The following CPLANE1 variants were observed in gnomAD, a reference collection of about 807,000 sequenced individuals.
CPLANE1 encodes ciliogenesis and planar polarity effector complex subunit 1, also known as ciliogenesis and planar polarity effector 1.
In CPLANE1, 263 loss-of-function variants were observed where a neutral mutation model predicts 362.5. The observed-to-expected ratio is 0.73, with a 90% CI of 0.66 to 0.80. The LOEUF (loss-of-function observed/expected upper bound fraction) is 0.80, where lower values mean the gene tolerates loss of function less well. CPLANE1 is among the 30% of genes least tolerant of loss of function. The probability of loss-of-function intolerance (pLI) is 0.00; values close to 1 mark genes in which losing one functional copy is unlikely to be tolerated. For missense variants in CPLANE1, 3,461 were observed against 3,793.4 expected, an observed-to-expected ratio of 0.91 and a Z score of 2.30; for synonymous variants, 1,212 against 1,302.6, an observed-to-expected ratio of 0.93 and a Z score of 1.50.
In CPLANE1 at chr5:37,158,298, G is replaced by T; in HGVS notation, c.7738C>A (p.Leu2580Ile). 7 of 1,613,882 alleles carry T rather than the reference G, an allele frequency of 4.3e-6. No individual in the cohort carries two copies. Among genetic ancestry groups the T allele is most frequent in the South Asian group, 3.3e-5 (3 of 91,066 alleles). Reference protein sequence around the residue: ...APQLLVPDVYLNLKLSSEMSE... With the variant: ...APQLLVPDVYINLKLSSEMSE... Reference sequence around the variant, plus strand: ...ATTTCACTGGAAAGCTTCAGATTTAGATAGACATCTGGGACCAAGAGCTGA... The same window carrying T: ...ATTTCACTGGAAAGCTTCAGATTTATATAGACATCTGGGACCAAGAGCTGA... The change falls in exon 39 of 53, where the codon CTA (leucine) becomes ATA (isoleucine). Residue 2580 changes from leucine (L) to isoleucine (I), a missense_variant. Transcript: ENST00000651892.
intron 28 of CPLANE1, 47 bp downstream of exon 28, chr5:37,179,970 T>C: frequency 3.7e-6 from 5 of 1,337,626 alleles, no homozygotes; most frequent in Non-Finnish European, 5.1e-6. Context: ...TATTTACCAA[T>C]TTCAAATTAA....
chr5:37,114,485 T>A (rs867098022), intron 51 of CPLANE1, among the ~76,000 whole-genome samples: 1 of 152,352 alleles, frequency 6.6e-6, no homozygotes, highest in Non-Finnish European at 1.5e-5. Flanking sequence ...ACAGAGTAAG[T>A]GGTTAACTTG....
At chr5:37,200,885 G>A (rs1018296345) in intron 19 of CPLANE1, among the ~76,000 whole-genome samples, 2 of 152,100 alleles carry the variant, frequency 1.3e-5, no homozygotes, top group African/African-American at 2.4e-5. Context: ...GTGCAGTGGT[G>A]CAATCTCGGC....
At chr5:37,153,173 C>G (rs1359341842) in intron 42 of CPLANE1, among the ~76,000 whole-genome samples, 1 of 152,048 alleles carries the variant, frequency 6.6e-6, no homozygotes, top group Non-Finnish European at 1.5e-5. Context: ...AGCAGAAGAT[C>G]AGCTGAATAG....
In CPLANE1 at chr5:37,183,052, T is replaced by C. The variant is rs150888119; in HGVS notation, c.5129A>G (p.Lys1710Arg). 6.2e-7 allele frequency: 1 copy of C among 1,613,364 alleles called. No homozygotes were observed. Among genetic ancestry groups the C allele is most frequent in the Non-Finnish European group, 8.5e-7 (1 of 1,179,922 alleles). ...RSSNHIFWTP[K>R]SIKTRRCIFK... ...AATACATCTTCTAGTTTTAATGGAC[T>C]TGGGAGTCCAAAAAATGTGGTTTGA... Residue 1710 changes from lysine (K) to arginine (R), a missense_variant, in exon 26 of 53, where the codon AAG becomes AGG. Physicochemically the swap from Lys to Arg is conservative, Grantham distance 26. Transcript: ENST00000651892.
the CPLANE1 span, among the ~76,000 whole-genome samples, chr5:37,093,922 AG>A: frequency 6.6e-6 from 1 of 151,754 alleles, no homozygotes; most frequent in Non-Finnish European, 1.5e-5. Context: ...ACAGGAATGT[AG>A]AGTAGTTTAT....
rs1292828102 is a variant in CPLANE1, at chr5:37,227,625, A to G, written c.1314T>C (p.Leu438=). The change falls in exon 10 of 53, where the codon CTT becomes CTC. Residue 438 remains leucine, a synonymous_variant. Coordinates refer to ENST00000651892, the MANE Select transcript of CPLANE1 (RefSeq NM_001384732.1). ...SLSPSVHMRS[L]LLDSTQRLEK... is the part of the protein sequence containing the mutation. Reference sequence around the variant, plus strand: ...CAAGCCTCTGGGTTGAATCAAGTAGAAGTGATCTCATGTGTACTGATGGAG... The same window carrying G: ...CAAGCCTCTGGGTTGAATCAAGTAGGAGTGATCTCATGTGTACTGATGGAG... 1.9e-6 allele frequency: 3 copies of G among 1,551,362 alleles called. No individual in the cohort carries two copies. Among genetic ancestry groups the G allele is most frequent in the Non-Finnish European group, 2.6e-6 (3 of 1,146,822 alleles).
At chr5:37,125,819 T>C (rs953171654) in intron 46 of CPLANE1, among the ~76,000 whole-genome samples, 1 of 152,224 alleles carries the variant, frequency 6.6e-6, no homozygotes, top group South Asian at 2.1e-4. Context: ...TATATATTTA[T>C]AGAGTACATG....
At chr5:37,192,646 C>T (rs1471010918) in intron 21 of CPLANE1, among the ~76,000 whole-genome samples, 1 of 151,718 alleles carries the variant, frequency 6.6e-6, no homozygotes, top group Non-Finnish European at 1.5e-5. Flanking sequence ...GGGCAGATCA[C>T]GAGGTCAGGA....
Position 37,107,411 on chromosome 5 carries a change from C to T in CPLANE1, c.*191G>A. ...TAATACATCAATAGTCAACCCTTTCCCCATAAAGGCAAAGTTACTGAGAAA... is the reference window on the plus strand; with the variant it reads ...TAATACATCAATAGTCAACCCTTTCTCCATAAAGGCAAAGTTACTGAGAAA... On this transcript the variant is annotated 3_prime_UTR_variant, in exon 53 of 53. Transcript: ENST00000651892. The T allele has an allele frequency of 1.6e-6, 2 of 1,276,232 alleles. No homozygotes were observed. 79.1% of individuals were successfully genotyped at this position (1,276,232 alleles called of 1,614,324 possible). A position where few individuals can be genotyped will look rare whatever the true frequency, so the allele number is the denominator to read the frequency against.
rs1775408379 is a variant in CPLANE1 at position 37,157,321 on chromosome 5, T to A, written c.8111A>T (p.Gln2704Leu). The A allele has an allele frequency of 1.5e-6, 2 of 1,366,622 alleles. No homozygotes were observed. The highest frequency in any genetic ancestry group is 1.9e-6 in the Non-Finnish European group (2 of 1,031,242). The allele number at this position is 1,366,622 out of a possible 1,614,324, so 84.7% of individuals were successfully genotyped here. Reference protein sequence around the residue: ...VTSPTPSDIQQNKGLPKPEFR... With the variant: ...VTSPTPSDIQLNKGLPKPEFR... ...ACCTCTTGGCTGTTTACCTTTGTTC[T>A]GCTGTATGTCTGATGGTGTAGGTGA... Residue 2704 changes from glutamine (Q) to leucine (L), a missense_variant, in exon 41 of 53, where the codon CAG becomes CTG. Around this residue, in one of 2 missense-constraint regions of CPLANE1, gnomAD observed 3,380 missense variants for 3,666.1 expected, o/e 0.92. Transcript: ENST00000651892.
chr5:37,131,602 C>G (rs1765824020), intron 46 of CPLANE1, among the ~76,000 whole-genome samples: 1 of 151,764 alleles, frequency 6.6e-6, no homozygotes, highest in South Asian at 2.1e-4. Context: ...ATGGTCTTGG[C>G]TCACTGCAAC....
At chr5:37,238,768 G>C (rs1379094261) in intron 8 of CPLANE1, 89 bp downstream of exon 8, 1 of 622,504 alleles carries the variant, frequency 1.6e-6, no homozygotes, top group Non-Finnish European at 2.6e-6. Flanking sequence ...CAAAGTGCTA[G>C]AATTACAGGT....
At chr5:37,118,243 C>G (rs1456007582) in intron 50 of CPLANE1, among the ~76,000 whole-genome samples, 1 of 151,510 alleles carries the variant, frequency 6.6e-6, no homozygotes, top group African/African-American at 2.4e-5. Context: ...AAAAAATGAA[C>G]AAATAAACAA....
intron 23 of CPLANE1, among the ~76,000 whole-genome samples, chr5:37,187,073 A>AAAACAAAAAAAAAAAAAAAAC (rs1339261630): frequency 1.3e-5 from 2 of 148,238 alleles, no homozygotes; most frequent in African/African-American, 5.0e-5. Flanking sequence ...AAAAAAAAAA[A>AAAACAAAAAAAAAAAAAAAAC]AAAAAAAAAA....
chr5:37,183,899 C>CA (rs965643207), intron 25 of CPLANE1, among the ~76,000 whole-genome samples, 200 bp from the exon 26 acceptor site: 9 of 149,836 alleles, frequency 6.0e-5, no homozygotes, highest in African/African-American at 9.8e-5. Context: ...ACTATGAGAT[C>CA]AAAAAAAAAT....
At chr5:37,140,441 T>A (rs946966901) in intron 44 of CPLANE1, 64 of 985,202 alleles carry the variant, frequency 6.5e-5, no homozygotes, top group Non-Finnish European at 7.4e-5. Context: ...TAATTCAATT[T>A]AACTAAGAGA....
In CPLANE1 at chr5:37,206,414, G is replaced by C; in HGVS notation, c.2932C>G (p.Arg978Gly). 6.5e-7 allele frequency: 1 copy of C among 1,549,450 alleles called. No individual in the cohort carries two copies. Among genetic ancestry groups the C allele is most frequent in the Admixed American group, 2.0e-5 (1 of 51,000 alleles). Residue 978 changes from arginine (R) to glycine (G), a missense_variant, in exon 17 of 53, where the codon CGA becomes GGA. Coordinates refer to ENST00000651892, the MANE Select transcript of CPLANE1 (RefSeq NM_001384732.1). ...PLHIKTEQSF[R>G]LIPLQHSKVA... ...TTAGAGTGTTGCAGAGGAATAAGTCGAAAGGACTGCTCTGTGAGTAAATTT... is the reference window on the plus strand; with the variant it reads ...TTAGAGTGTTGCAGAGGAATAAGTCCAAAGGACTGCTCTGTGAGTAAATTT...
At position 37,186,322 on chromosome 5, in the gene CPLANE1, A is replaced by T; in HGVS notation, c.4153T>A (p.Ser1385Thr). The T allele has an allele frequency of 6.3e-7, 1 of 1,596,028 alleles. No individual in the cohort carries two copies. The highest frequency in any genetic ancestry group is 8.6e-7 in the Non-Finnish European group (1 of 1,163,716). ...CAGTGTCTGAGTCTCTGGTGAAGAG[A>T]GTGATATTTGTCTCTTAAAGGAACC... Reference protein sequence around the residue: ...VRVPLRDKYHSLHQRLRHCVV... With the variant: ...VRVPLRDKYHTLHQRLRHCVV... Residue 1385 changes from serine to threonine, a missense_variant, in exon 24 of 53, where the codon TCT becomes ACT. Ser to Thr is a moderately conservative substitution (Grantham distance 58, BLOSUM62 1). This residue lies in a region of CPLANE1 where 3,380 missense variants were observed against 3,666.1 expected (regional missense o/e 0.92). Transcript: ENST00000651892.
Sources: allele counts gnomAD v4.1 joint callset (sites outside exome capture counted in the v4.1 genomes callset), GRCh38; gene constraint gnomAD v4.1.1; regional missense constraint gnomAD v4.1.1; transcripts MANE v1.5; gene names NCBI Gene and HGNC (gene_info 2026-07-23, HGNC 2026-07-21).